The following GRIK2 variants were observed in gnomAD, a reference collection of about 807,000 sequenced individuals.
The protein encoded by GRIK2 is glutamate receptor ionotropic, kainate 2.
GRIK2 carries 32 observed loss-of-function variants against 100.3 expected under a neutral mutation model. That is an observed-to-expected ratio of 0.32 (90% CI 0.24 to 0.43). GRIK2 has a LOEUF of 0.43. GRIK2 is among the 20% of genes least tolerant of loss of function. GRIK2 has a pLI of 1.00. For missense variants in GRIK2, 843 were observed against 1,114.9 expected (o/e 0.76, Z 3.47); for synonymous variants, 417 against 389.4 (o/e 1.07, Z -0.83).
At position 101,626,470 on chromosome 6, in the gene GRIK2, T is replaced by C; in HGVS notation, c.374T>C (p.Leu125Pro). The change falls in exon 4 of 17, where the codon CTG (leucine) becomes CCG (proline). Residue 125 changes from leucine (L) to proline (P), a missense_variant. Transcript: ENST00000369134. The part of the protein sequence containing the change: ...ANAVQSICNA[L>P]GVPHIQTRWK... ...GCAGTGCAGTCCATCTGCAATGCTC[T>C]GGGAGTTCCCCACATACAGACCCGC... 2 of 1,614,008 alleles carry C rather than the reference T, an allele frequency of 1.2e-6. No individual in the cohort carries two copies. Among genetic ancestry groups the C allele is most frequent in the Non-Finnish European group, 1.7e-6 (2 of 1,179,934 alleles).
chr6:101,936,290 C>T (rs763538213), intron 14 of GRIK2, among the ~76,000 whole-genome samples: 20 of 152,042 alleles, frequency 1.3e-4, no homozygotes, highest in Middle Eastern at 3.4e-3. Context: ...ATTTTCCTAA[C>T]GCTCCCAAAT....
chr6:101,451,997 T>C (rs1039349918), intron 2 of GRIK2, among the ~76,000 whole-genome samples: 1 of 151,844 alleles, frequency 6.6e-6, no homozygotes, highest in East Asian at 1.9e-4. Flanking sequence ...CTTTTCATTA[T>C]GGCTTTAAAT....
chr6:101,789,686 C>T (rs1222842182), intron 7 of GRIK2, among the ~76,000 whole-genome samples: 12 of 152,194 alleles, frequency 7.9e-5, no homozygotes, highest in South Asian at 2.1e-4. Flanking sequence ...CTTGGCGATG[C>T]GGGCTCTTTT....
rs573964870 is a variant in GRIK2, at chr6:101,823,290, C to T, written c.1317+4807C>T. ...CATGACCTAGACCCAGTACATTGTACGGGTACAGTACATAGTTGTATTATG... is the reference window on the plus strand; with the variant it reads ...CATGACCTAGACCCAGTACATTGTATGGGTACAGTACATAGTTGTATTATG... On this transcript the variant is annotated intron_variant, in intron 10 of 16. Transcript: ENST00000369134. Among the ~76,000 whole-genome samples the T allele has an allele frequency of 1.6e-3, 236 of 152,138 alleles. 1 individual carries two copies. The highest frequency in any genetic ancestry group is 2.8e-3 in the Non-Finnish European group (193 of 67,998).
chr6:101,449,788 A>G (rs565872907), intron 2 of GRIK2, among the ~76,000 whole-genome samples: 100 of 151,876 alleles, frequency 6.6e-4, no homozygotes, highest in African/African-American at 2.3e-3. Flanking sequence ...TAATCAAATA[A>G]TACTTTCCAG....
intron 2 of GRIK2, among the ~76,000 whole-genome samples, chr6:101,551,315 G>T (rs1334576470): frequency 4.6e-5 from 7 of 152,178 alleles, no homozygotes; most frequent in East Asian, 3.9e-4. Flanking sequence ...AAAGGATGGG[G>T]GGTGGTGGTG....
At position 101,686,447 on chromosome 6, in the gene GRIK2, AGTTTAATT is replaced by A. The variant is rs1771707736; in HGVS notation, c.951+99_951+106del. ...GTTTATATGCATACATATAAACTTC[AGTTTAATT>A]GTTTGACATTAAAAGCAAAATATCA... On this transcript the variant is annotated intron_variant, in intron 7 of 16. Transcript: ENST00000369134. 3 of 874,738 alleles carry A rather than the reference AGTTTAATT, an allele frequency of 3.4e-6. No individual in the cohort carries two copies. The Admixed American group carries it at 7.3e-5, about 21-fold the overall frequency. The allele number at this position is 874,738 out of a possible 1,614,324, so 54.2% of individuals were successfully genotyped here.
At chr6:101,685,821 AG>A (rs1380251452) in intron 6 of GRIK2, among the ~76,000 whole-genome samples, 2 of 152,180 alleles carry the variant, frequency 1.3e-5, no homozygotes, top group African/African-American at 4.8e-5. Context: ...CAGGCGAGGA[AG>A]CAGGACACAG....
At chr6:101,909,389 T>TTTTTTG (rs1788496038) in intron 12 of GRIK2, among the ~76,000 whole-genome samples, 2 of 144,106 alleles carry the variant, frequency 1.4e-5, no homozygotes, top group East Asian at 2.0e-4. Context: ...TTTCTTTTTT[T>TTTTTTG]TTTTTTTAAA....
At chr6:101,982,655 T>G (rs1793783208) in intron 14 of GRIK2, among the ~76,000 whole-genome samples, 1 of 114,152 alleles carries the variant, frequency 8.8e-6, no homozygotes, top group South Asian at 2.3e-4. Flanking sequence ...CCCCTTCTTC[T>G]TTTTTTTTTT....
chr6:101,917,144 A>G (rs1338908014), intron 12 of GRIK2, among the ~76,000 whole-genome samples: 1 of 151,676 alleles, frequency 6.6e-6, no homozygotes, highest in African/African-American at 2.4e-5. Flanking sequence ...CAGGCCATTT[A>G]TGGGTTAAAC....
intron 7 of GRIK2, among the ~76,000 whole-genome samples, chr6:101,691,440 G>T (rs1391080427): frequency 1.3e-5 from 2 of 151,720 alleles, no homozygotes; most frequent in Non-Finnish European, 2.9e-5. Flanking sequence ...TGGGATTACA[G>T]GCGCACACCA....
intron 9 of GRIK2, among the ~76,000 whole-genome samples, chr6:101,806,327 A>G (rs1053767866): frequency 6.6e-6 from 1 of 152,098 alleles, no homozygotes; most frequent in Non-Finnish European, 1.5e-5. Flanking sequence ...TACTTTCAAA[A>G]TATGTTTAGA....
At chr6:101,575,061 G>T (rs1367009803) in intron 2 of GRIK2, among the ~76,000 whole-genome samples, 2 of 151,550 alleles carry the variant, frequency 1.3e-5, no homozygotes, top group African/African-American at 4.8e-5. Flanking sequence ...ATTTAATATT[G>T]TCATATGATT....
chr6:101,526,289 C>A (rs527765595), intron 2 of GRIK2, among the ~76,000 whole-genome samples: 38 of 152,084 alleles, frequency 2.5e-4, no homozygotes, highest in Non-Finnish European at 5.0e-4. Flanking sequence ...AACTCTAGGA[C>A]TTTTAAAACC....
At chr6:101,874,958 A>T (rs1785716977) in intron 11 of GRIK2, among the ~76,000 whole-genome samples, 1 of 152,086 alleles carries the variant, frequency 6.6e-6, no homozygotes, top group South Asian at 2.1e-4. Context: ...GTATCCTGAG[A>T]CTTTGCTGAA....
At chr6:101,802,263 T>C (rs896342797) in intron 8 of GRIK2, 68 bp from the exon 9 acceptor site, 1 of 562,068 alleles carries the variant, frequency 1.8e-6, no homozygotes, top group Non-Finnish European at 3.1e-6. Flanking sequence ...AGTTTCCTAC[T>C]TTTGTGAAAA....
At chr6:101,479,397 G>C (rs1254537320) in intron 2 of GRIK2, among the ~76,000 whole-genome samples, 7 of 151,984 alleles carry the variant, frequency 4.6e-5, no homozygotes, top group Non-Finnish European at 5.9e-5. Context: ...TATGAGTATG[G>C]CATGTTGAAA....
chr6:101,580,834 T>C (rs150141567), intron 2 of GRIK2, among the ~76,000 whole-genome samples: 1 of 152,090 alleles, frequency 6.6e-6, no homozygotes, highest in Non-Finnish European at 1.5e-5. Context: ...GTTATCTGCA[T>C]AGTTCCCTCT....
Sources: gnomAD v4.1 joint callset for allele counts (sites outside exome capture counted in the v4.1 genomes callset) on GRCh38, gnomAD v4.1.1 for gene constraint, MANE v1.5 for transcripts, NCBI Gene and HGNC (gene_info 2026-07-23, HGNC 2026-07-21) for gene names.